ANGPT4: variants seen among roughly 807,000 people sequenced by gnomAD.
ANGPT4 encodes the protein angiopoietin 4, also known as angiopoietin-4.
In ANGPT4, 50 loss-of-function variants were observed where a neutral mutation model predicts 53.0. The observed-to-expected ratio is 0.94, with a 90% CI of 0.75 to 1.20. The LOEUF (loss-of-function observed/expected upper bound fraction) is 1.20. Among genes scored for constraint, ANGPT4 ranks in the 50% most tolerant of loss-of-function variants. The pLI, the probability that ANGPT4 is intolerant of heterozygous loss-of-function variation, is 0.00. For missense variants in ANGPT4, 648 were observed against 637.1 expected (o/e 1.02, Z -0.18); for synonymous variants, 251 against 259.7 (o/e 0.97, Z 0.32).
chr20:913,332 CAGGAG>C (rs1982780368), intron 1 of ANGPT4, among the ~76,000 whole-genome samples: 1 of 152,112 alleles, frequency 6.6e-6, no homozygotes, highest in Admixed American at 6.5e-5. Flanking sequence ...CACTGGGGAC[CAGGAG>C]TGTCAGAGGG....
Position 881,167 on chromosome 20 carries a change from TA to T in ANGPT4, c.951+3del. ...CAGCCACAGTTCCCAGGGAGCCCCC[TA>T]ACCTTCCTGGGCTTCGTTGCATTGG... On this transcript the variant is annotated splice_donor_region_variant and intron_variant, in intron 5 of 8. Coordinates refer to ENST00000381922, the MANE Select transcript of ANGPT4 (RefSeq NM_015985.4). 1 of 1,574,204 alleles carries T rather than the reference TA, an allele frequency of 6.4e-7. No homozygotes were observed. Among genetic ancestry groups the T allele is most frequent in the Non-Finnish European group, 8.6e-7 (1 of 1,160,214 alleles).
chr20:911,882 G>C lies in ANGPT4; in HGVS notation c.309+4024C>G, dbSNP rs550944852. Reference sequence around the variant, plus strand: ...AGAGAGAGACAGAGAGAGGGAGAAAGAGACAGAGACAGACAGAGATAGACA... The same window carrying C: ...AGAGAGAGACAGAGAGAGGGAGAAACAGACAGAGACAGACAGAGATAGACA... On this transcript the variant is annotated intron_variant, in intron 1 of 8. Coordinates refer to ENST00000381922, the MANE Select transcript of ANGPT4 (RefSeq NM_015985.4). The surrounding 1 kb of genome is among the most constrained non-coding windows in gnomAD (Gnocchi z 4.9). Among the ~76,000 whole-genome samples the C allele has an allele frequency of 4.5e-4, 64 of 142,088 alleles. No homozygotes were observed. The highest frequency in any genetic ancestry group is 1.6e-3 in the African/African-American group (62 of 39,360). 93.2% of individuals were successfully genotyped at this position (142,088 alleles called of 152,430 possible). A position where few individuals can be genotyped will look rare whatever the true frequency, so the allele number is the denominator to read the frequency against.
chr20:877,383 G>A (rs1981210660), intron 7 of ANGPT4, among the ~76,000 whole-genome samples: 1 of 152,308 alleles, frequency 6.6e-6, no homozygotes, highest in African/African-American at 2.4e-5. Context: ...TCTCTGAGAG[G>A]CAATATCATG....
intron 1 of ANGPT4, among the ~76,000 whole-genome samples, chr20:910,688 A>C (rs939526553): frequency 3.3e-5 from 5 of 152,198 alleles, no homozygotes; most frequent in African/African-American, 1.2e-4. Flanking sequence ...CTGAGCTCTA[A>C]GGCCAGGGAG....
intron 8 of ANGPT4, among the ~76,000 whole-genome samples, chr20:874,022 C>T (rs965567643): frequency 2.0e-5 from 3 of 152,172 alleles, no homozygotes; most frequent in Non-Finnish European, 4.4e-5. Flanking sequence ...GGGCCCTGCA[C>T]TCAGTGTTTC....
chr20:900,026 T>C (rs6055714), intron 1 of ANGPT4, among the ~76,000 whole-genome samples: 23,175 of 152,198 alleles, frequency 0.15, 3,136 homozygotes, highest in African/African-American at 0.37. Context: ...GTTCTTGGAC[T>C]AAGGAAAATT....
chr20:889,169 C>T (rs1033708108), intron 2 of ANGPT4, among the ~76,000 whole-genome samples: 6 of 152,014 alleles, frequency 3.9e-5, no homozygotes, highest in Non-Finnish European at 8.8e-5. Context: ...GCTTGCAGCT[C>T]TCATCCCCCC....
intron 1 of ANGPT4, among the ~76,000 whole-genome samples, chr20:907,619 A>T (rs546935145): frequency 6.6e-6 from 1 of 152,314 alleles, no homozygotes; most frequent in South Asian, 2.1e-4. Context: ...GCCACCCTCC[A>T]AGGTAGGACC....
Position 872,869 on chromosome 20 carries a change from T to G in ANGPT4, c.*91A>C, listed in dbSNP as rs866219144. ...AAGCCCAGGGTGTCAGGGAAGGCGG[T>G]GGCACAGTGTCTTGCATCTGGGTCC... On this transcript the variant is annotated 3_prime_UTR_variant, in exon 9 of 9. Transcript: ENST00000381922. 1 of 1,520,710 alleles carries G rather than the reference T, an allele frequency of 6.6e-7. No homozygotes were observed. Among genetic ancestry groups the G allele is most frequent in the African/African-American group, 1.4e-5 (1 of 73,008 alleles). 94.2% of individuals were successfully genotyped at this position (1,520,710 alleles called of 1,614,324 possible).
At chr20:903,103 G>A (rs1185615628) in intron 1 of ANGPT4, among the ~76,000 whole-genome samples, 2 of 152,162 alleles carry the variant, frequency 1.3e-5, no homozygotes, top group South Asian at 2.1e-4. Flanking sequence ...CCCAGGGTAC[G>A]ACCCAGGCTT....
chr20:893,890 C>T (rs1194353866), intron 1 of ANGPT4, among the ~76,000 whole-genome samples: 1 of 152,194 alleles, frequency 6.6e-6, no homozygotes, highest in African/African-American at 2.4e-5. Context: ...TGTTTACTCG[C>T]CTTATTCTGG....
rs371503969 is a variant in ANGPT4 at position 874,567 on chromosome 20, G to A, written c.1221-153C>T. ...GCCCCAGCCTGGGTGGAGTGCTTGGGCTGTTTCCCTTCCTGGATTGCCTTC... is the reference window on the plus strand; with the variant it reads ...GCCCCAGCCTGGGTGGAGTGCTTGGACTGTTTCCCTTCCTGGATTGCCTTC... On this transcript the variant is annotated intron_variant, in intron 7 of 8. Transcript: ENST00000381922. Among the ~76,000 whole-genome samples, 12 of 152,262 alleles carry A rather than the reference G, an allele frequency of 7.9e-5. No individual in the cohort carries two copies. The East Asian group carries it at 2.1e-3, about 27-fold the overall frequency.
chr20:908,993 G>C lies in ANGPT4; in HGVS notation c.309+6913C>G, dbSNP rs1982593864. On this transcript the variant is annotated intron_variant, in intron 1 of 8. Coordinates refer to ENST00000381922, the MANE Select transcript of ANGPT4 (RefSeq NM_015985.4). This position sits in a 1 kb window ranked among gnomAD's most constrained non-coding sequence, Gnocchi z 4.9. The stretch of plus-strand genomic sequence containing the variant: ...TGTGATTGAGTCACTCCCTTGCCCA[G>C]GCTTAGTGTTCCCATCTGTAAATGG... Among the ~76,000 whole-genome samples the C allele has an allele frequency of 6.6e-6, 1 of 152,148 alleles. No individual in the cohort carries two copies. The highest frequency in any genetic ancestry group is 6.5e-5 in the Admixed American group (1 of 15,278).
intron 1 of ANGPT4, among the ~76,000 whole-genome samples, chr20:907,090 T>A (rs970456338): frequency 6.6e-6 from 1 of 152,170 alleles, no homozygotes; most frequent in African/African-American, 2.4e-5. Flanking sequence ...CATTGTTTCC[T>A]CCTTGCAGAG....
In ANGPT4 at chr20:878,217, G is replaced by A. The variant is rs756461495; in HGVS notation, c.1164C>T (p.His388=). The A allele has an allele frequency of 1.7e-5, 27 of 1,612,456 alleles. No individual in the cohort carries two copies. In the Admixed American group the frequency reaches 1.8e-4, roughly 11 times the overall value. The change falls in exon 7 of 9, where the codon CAC becomes CAT. Residue 388 remains histidine, a synonymous_variant. Transcript: ENST00000381922. ...AATGTTCGTACTGGGCATAGGCCTCGTGGCCTTCCCAGTCTTGCAGCTCCA... is the reference window on the plus strand; with the variant it reads ...AATGTTCGTACTGGGCATAGGCCTCATGGCCTTCCCAGTCTTGCAGCTCCA... ...LRVELQDWEG[H]EAYAQYEHFH... is the part of the protein sequence containing the mutation.
chr20:883,153 T>G (rs531074535), intron 4 of ANGPT4, among the ~76,000 whole-genome samples: 1 of 152,242 alleles, frequency 6.6e-6, no homozygotes, highest in Non-Finnish European at 1.5e-5. Flanking sequence ...AAATGACTTG[T>G]ATGAAGTTCC....
intron 1 of ANGPT4, among the ~76,000 whole-genome samples, chr20:913,718 A>G (rs1982801551): frequency 1.3e-5 from 2 of 152,218 alleles, no homozygotes; most frequent in Non-Finnish European, 2.9e-5. Flanking sequence ...GGAGGTGATG[A>G]CAGCATCCTG....
intron 1 of ANGPT4, among the ~76,000 whole-genome samples, chr20:907,481 G>T (rs1266769709): frequency 6.6e-6 from 1 of 152,180 alleles, no homozygotes; most frequent in Non-Finnish European, 1.5e-5. Flanking sequence ...GTTTGCGATC[G>T]CTCACCTCCC....
In ANGPT4 at chr20:916,306, C is replaced by CCTGCAG. The variant is rs1446489800; in HGVS notation, c.-98_-93dup. 8.7e-6 allele frequency: 12 copies of CCTGCAG among 1,384,116 alleles called. No homozygotes were observed. In the East Asian group the frequency reaches 2.8e-4, roughly 32 times the overall value. The allele number at this position is 1,384,116 out of a possible 1,614,324, so 85.7% of individuals were successfully genotyped here. On this transcript the variant is annotated 5_prime_UTR_variant, in exon 1 of 9. Transcript: ENST00000381922. ...CTGCAGCCAACAGTGGCCAGGCTTG[C>CCTGCAG]CTGCAGCTGCAGCTACAAACCTCTG...
Sources: allele counts gnomAD v4.1 joint callset (sites outside exome capture counted in the v4.1 genomes callset), GRCh38; gene constraint gnomAD v4.1.1; non-coding constraint Gnocchi (gnomAD v3.1); transcripts MANE v1.5; gene names NCBI Gene and HGNC (gene_info 2026-07-23, HGNC 2026-07-21).